FAM151B: variants seen among roughly 807,000 people sequenced by gnomAD.
The protein encoded by FAM151B is protein FAM151B.
Under a neutral mutation model 31.2 loss-of-function variants are expected in FAM151B, and 24 were observed. The ratio of observed to expected loss-of-function variants is 0.77; its 90% CI spans 0.56 to 1.08. FAM151B has a LOEUF of 1.08. Among genes scored for constraint, FAM151B ranks in the 50% least tolerant of loss-of-function variants. The probability of loss-of-function intolerance (pLI) is 0.00; values close to 1 mark genes in which losing one functional copy is unlikely to be tolerated. For missense variants in FAM151B, 293 were observed against 328.6 expected, an observed-to-expected ratio of 0.89 and a Z score of 0.84; for synonymous variants, 105 against 111.4, an observed-to-expected ratio of 0.94 and a Z score of 0.36.
intron 5 of FAM151B, among the ~76,000 whole-genome samples, chr5:80,530,807 C>G (rs1313401299): frequency 1.3e-5 from 2 of 152,168 alleles, no homozygotes; most frequent in Non-Finnish European, 2.9e-5. Flanking sequence ...AATGGCCATA[C>G]TGCCCAAGGT....
intron 2 of FAM151B, 42 bp downstream of exon 2, chr5:80,501,959 A>G (rs551991757): frequency 1.4e-6 from 2 of 1,461,036 alleles, no homozygotes; most frequent in South Asian, 1.5e-5. Context: ...TGGATAATAG[A>G]TTAATTCAAC....
At chr5:80,538,483 T>TTTCTTTCCTTCCTTCC (rs1554059092) in intron 5 of FAM151B, among the ~76,000 whole-genome samples, 49 of 101,016 alleles carry the variant, frequency 4.9e-4, no homozygotes, top group Non-Finnish European at 6.7e-4. Flanking sequence ...TCTTTCTTTC[T>TTTCTTTCCTTCCTTCC]TTCCTTCCTT....
chr5:80,520,730 A>G (rs1744667476), intron 4 of FAM151B, among the ~76,000 whole-genome samples: 1 of 147,894 alleles, frequency 6.8e-6, no homozygotes, highest in Middle Eastern at 3.6e-3. Flanking sequence ...GTTTATTTAT[A>G]TATAAAAATA....
intron 5 of FAM151B, among the ~76,000 whole-genome samples, chr5:80,532,245 G>A (rs1209776150): frequency 2.0e-5 from 3 of 150,740 alleles, no homozygotes; most frequent in Non-Finnish European, 3.0e-5. Context: ...GGGAGGGATA[G>A]CATGAGGAGA....
intron 3 of FAM151B, among the ~76,000 whole-genome samples, chr5:80,514,004 C>T (rs748462863): frequency 2.0e-5 from 3 of 151,828 alleles, no homozygotes; most frequent in African/African-American, 4.8e-5. Flanking sequence ...AAGTGACCAT[C>T]GTGACAACAG....
chr5:80,538,432 CTTTCTTTCTTTCTTTCTCTTTCTTTCTT>C (rs1385324136), intron 5 of FAM151B, among the ~76,000 whole-genome samples: 56 of 58,764 alleles, frequency 9.5e-4, no homozygotes, highest in South Asian at 2.0e-3. Flanking sequence ...TTCTTTCTTT[CTTTCTTTCTTTCTTTCTCTTTCTTTCTT>C]TCTTTCTTTC....
chr5:80,539,392 G>A (rs532305745), intron 5 of FAM151B, among the ~76,000 whole-genome samples: 6 of 151,566 alleles, frequency 4.0e-5, no homozygotes, highest in South Asian at 4.2e-4. Context: ...CTCAATTCCC[G>A]TTGTCTTTTT....
chr5:80,538,478 C>CT (rs1745681584), intron 5 of FAM151B, among the ~76,000 whole-genome samples: 8 of 122,564 alleles, frequency 6.5e-5, no homozygotes, highest in African/African-American at 1.0e-4. Flanking sequence ...TTCTTTCTTT[C>CT]TTTCTTTCCT....
intron 1 of FAM151B, chr5:80,499,919 G>A (rs1226457766): frequency 2.0e-5 from 3 of 149,822 alleles, no homozygotes; most frequent in Non-Finnish European, 4.4e-5. Context: ...CAAAGGAAAT[G>A]AAATCACCAC....
At chr5:80,491,202 CTATTATTAT>C (rs60195799) in intron 1 of FAM151B, among the ~76,000 whole-genome samples, 3 of 147,636 alleles carry the variant, frequency 2.0e-5, no homozygotes, top group Non-Finnish European at 3.0e-5. Flanking sequence ...ATATAATACA[CTATTATTAT>C]TATTATTATT....
chr5:80,502,072 T>G (rs573712190), intron 2 of FAM151B, among the ~76,000 whole-genome samples, 155 bp downstream of exon 2: 4 of 152,116 alleles, frequency 2.6e-5, no homozygotes, highest in Admixed American at 1.3e-4. Context: ...ATTTATTATT[T>G]AATTATTATT....
chr5:80,534,926 G>A (rs1023295139), intron 5 of FAM151B, among the ~76,000 whole-genome samples: 1 of 151,968 alleles, frequency 6.6e-6, no homozygotes, highest in African/African-American at 2.4e-5. Context: ...TACAAAATCA[G>A]CATACAAAAA....
At chr5:80,496,347 A>C (rs1026919316) in intron 1 of FAM151B, among the ~76,000 whole-genome samples, 19 of 152,344 alleles carry the variant, frequency 1.2e-4, no homozygotes, top group Admixed American at 1.1e-3. Flanking sequence ...ATGATTGTTA[A>C]CACTTTTTAG....
At chr5:80,501,560 G>T (rs913885384) in intron 1 of FAM151B, among the ~76,000 whole-genome samples, 1 of 151,108 alleles carries the variant, frequency 6.6e-6, no homozygotes, top group East Asian at 2.0e-4. Context: ...TAAGGGATTC[G>T]TGTTAAATGA....
intron 5 of FAM151B, among the ~76,000 whole-genome samples, chr5:80,534,887 G>A (rs1013777520): frequency 2.0e-5 from 3 of 151,996 alleles, no homozygotes; most frequent in African/African-American, 7.2e-5. Flanking sequence ...AAAACTATTA[G>A]AACTAATAAA....
intron 5 of FAM151B, among the ~76,000 whole-genome samples, chr5:80,529,094 C>T (rs1340670259): frequency 6.6e-6 from 1 of 152,098 alleles, no homozygotes; most frequent in African/African-American, 2.4e-5. Flanking sequence ...CACTCAAAAC[C>T]GCTCAACTAC....
intron 3 of FAM151B, among the ~76,000 whole-genome samples, chr5:80,514,848 A>G (rs1744347505): frequency 6.6e-6 from 1 of 152,168 alleles, no homozygotes; most frequent in African/African-American, 2.4e-5. Flanking sequence ...AGTAAACCTT[A>G]TTATACCGTT....
chr5:80,528,661 G>C (rs1745082005), intron 5 of FAM151B, among the ~76,000 whole-genome samples: 1 of 151,956 alleles, frequency 6.6e-6, no homozygotes, highest in Non-Finnish European at 1.5e-5. Context: ...GGAGGCTGAG[G>C]TGGAGGCTGC....
At chr5:80,497,495 T>C (rs1474310509) in intron 1 of FAM151B, among the ~76,000 whole-genome samples, 2 of 152,080 alleles carry the variant, frequency 1.3e-5, no homozygotes, top group East Asian at 3.9e-4. Flanking sequence ...TTTGCCTTTC[T>C]CTTGGCCCTG....
Sources: allele counts gnomAD v4.1 joint callset (sites outside exome capture counted in the v4.1 genomes callset), GRCh38; gene constraint gnomAD v4.1.1; transcripts MANE v1.5; gene names NCBI Gene and HGNC (gene_info 2026-07-23, HGNC 2026-07-21).